CRISPLD2: variants seen among roughly 807,000 people sequenced by gnomAD.
The protein encoded by CRISPLD2 is cysteine-rich secretory protein LCCL domain-containing 2.
CRISPLD2 carries 47 observed loss-of-function variants against 71.1 expected under a neutral mutation model. The ratio of observed to expected loss-of-function variants is 0.66; its 90% CI spans 0.52 to 0.84. CRISPLD2 has a LOEUF of 0.84. CRISPLD2 is among the 40% of genes least tolerant of loss of function. The probability of loss-of-function intolerance (pLI) is 0.00; values close to 1 mark genes in which losing one functional copy is unlikely to be tolerated. For synonymous variants in CRISPLD2, 317 were observed against 250.1 expected, an observed-to-expected ratio of 1.27 and a Z score of -2.52; for missense variants, 830 against 651.1, an observed-to-expected ratio of 1.27 and a Z score of -2.99.
intron 14 of CRISPLD2, among the ~76,000 whole-genome samples, chr16:84,892,865 A>T (rs539028468): frequency 1.5e-4 from 23 of 150,316 alleles, no homozygotes; most frequent in African/African-American, 5.4e-4. Flanking sequence ...AATGCCAGCT[A>T]CTCGGGAGGC....
At chr16:84,852,725 A>G (rs139666367) in intron 5 of CRISPLD2, among the ~76,000 whole-genome samples, 105 of 152,118 alleles carry the variant, frequency 6.9e-4, no homozygotes, top group African/African-American at 2.5e-3. Flanking sequence ...GTGGGTGTGT[A>G]CACAGAGGGC....
At chr16:84,888,634 C>G (rs1415211789) in intron 13 of CRISPLD2, among the ~76,000 whole-genome samples, 1 of 152,242 alleles carries the variant, frequency 6.6e-6, no homozygotes, top group Non-Finnish European at 1.5e-5. Context: ...CACGCTCTGC[C>G]TGACTCACTG....
At chr16:84,877,141 A>G (rs1208050391) in intron 11 of CRISPLD2, among the ~76,000 whole-genome samples, 1 of 152,210 alleles carries the variant, frequency 6.6e-6, no homozygotes, top group Non-Finnish European at 1.5e-5. Context: ...CAAGTCAGGA[A>G]AAGCTTCCAA....
At chr16:84,848,144 C>G (rs1916966399) in intron 3 of CRISPLD2, among the ~76,000 whole-genome samples, 1 of 152,194 alleles carries the variant, frequency 6.6e-6, no homozygotes. Context: ...GTTCCTTTCC[C>G]CACAGCCATG....
intron 10 of CRISPLD2, 31 bp from the exon 11 acceptor site, chr16:84,873,889 G>T: frequency 6.7e-7 from 1 of 1,488,104 alleles, no homozygotes. Context: ...TTTACCTAAT[G>T]CCCGTTTTTT....
rs1330756740 is a variant in CRISPLD2, at chr16:84,906,762, G to T, written c.*120G>T. ...GGAAACTTCCTTTGACTGATGTTCA[G>T]TGTCCATCACTTTGTGGCCTGTGGG... On this transcript the variant is annotated 3_prime_UTR_variant, in exon 15 of 15. Coordinates refer to ENST00000262424, the MANE Select transcript of CRISPLD2 (RefSeq NM_031476.4). 3 of 1,139,048 alleles carry T rather than the reference G, an allele frequency of 2.6e-6. No individual in the cohort carries two copies. Among genetic ancestry groups the T allele is most frequent in the East Asian group, 2.4e-5 (1 of 41,776 alleles). The allele number at this position is 1,139,048 out of a possible 1,614,324, so 70.6% of individuals were successfully genotyped here.
intron 1 of CRISPLD2, among the ~76,000 whole-genome samples, chr16:84,825,501 G>T (rs12934143): frequency 7.9e-5 from 12 of 152,102 alleles, no homozygotes; most frequent in African/African-American, 2.9e-4. Context: ...TACACCTATA[G>T]TCTCAGCACT....
chr16:84,850,994 C>A (rs1264623956), intron 5 of CRISPLD2, among the ~76,000 whole-genome samples: 1 of 152,154 alleles, frequency 6.6e-6, no homozygotes, highest in Non-Finnish European at 1.5e-5. Flanking sequence ...TGCACACTGG[C>A]ATACTTTCTC....
chr16:84,882,760 AC>A (rs1274972434), intron 13 of CRISPLD2, among the ~76,000 whole-genome samples: 1 of 152,224 alleles, frequency 6.6e-6, no homozygotes, highest in East Asian at 1.9e-4. Flanking sequence ...CTTTAAAAAC[AC>A]CGTCTCTAGG....
chr16:84,897,902 C>G (rs1457352265), intron 14 of CRISPLD2, among the ~76,000 whole-genome samples: 4 of 152,232 alleles, frequency 2.6e-5, no homozygotes, highest in African/African-American at 9.6e-5. Flanking sequence ...CAGGCGTGAG[C>G]TACCACACCC....
intron 1 of CRISPLD2, among the ~76,000 whole-genome samples, chr16:84,834,084 C>T (rs1177883764): frequency 6.6e-6 from 1 of 152,166 alleles, no homozygotes; most frequent in African/African-American, 2.4e-5. Flanking sequence ...TCCAGACTTG[C>T]TGCTCGCCCT....
intron 2 of CRISPLD2, chr16:84,842,208 G>A (rs907925670): frequency 6.6e-6 from 1 of 152,148 alleles, no homozygotes; most frequent in Non-Finnish European, 1.5e-5. Flanking sequence ...TGGAAAACCT[G>A]CAAGCCTTCC....
intron 1 of CRISPLD2, among the ~76,000 whole-genome samples, chr16:84,826,760 A>G (rs1916361762): frequency 1.3e-5 from 2 of 152,086 alleles, no homozygotes; most frequent in South Asian, 4.1e-4. Context: ...GTGCGGGTCC[A>G]AGGGGGAGGC....
At chr16:84,853,935 C>T (rs1917160364) in intron 5 of CRISPLD2, among the ~76,000 whole-genome samples, 1 of 152,242 alleles carries the variant, frequency 6.6e-6, no homozygotes, top group South Asian at 2.1e-4. Context: ...AGCCCAGGAG[C>T]CGCAGGAAGG....
chr16:84,849,721 C>CTTTT (rs10627256), intron 4 of CRISPLD2, among the ~76,000 whole-genome samples: 1 of 151,038 alleles, frequency 6.6e-6, no homozygotes, highest in Non-Finnish European at 1.5e-5. Flanking sequence ...ACTACAAACT[C>CTTTT]TTTTTTTTCT....
intron 1 of CRISPLD2, among the ~76,000 whole-genome samples, chr16:84,833,191 G>A (rs942367029): frequency 1.3e-5 from 2 of 152,166 alleles, no homozygotes; most frequent in East Asian, 1.9e-4. Flanking sequence ...TGGGCAGCGC[G>A]GGAGAAGTGT....
chr16:84,867,485 T>G (rs1316779102), intron 7 of CRISPLD2, among the ~76,000 whole-genome samples: 3 of 152,184 alleles, frequency 2.0e-5, no homozygotes, highest in African/African-American at 7.2e-5. Flanking sequence ...CACATCAAGG[T>G]TGCCCGGAGG....
chr16:84,820,624 G>T (rs1157049363), intron 1 of CRISPLD2, among the ~76,000 whole-genome samples: 1 of 152,186 alleles, frequency 6.6e-6, no homozygotes, highest in Non-Finnish European at 1.5e-5. Flanking sequence ...CATTTGCAAG[G>T]TAGCCTTCTT....
intron 6 of CRISPLD2, among the ~76,000 whole-genome samples, chr16:84,857,338 G>A (rs1195776559): frequency 6.6e-6 from 1 of 152,204 alleles, no homozygotes; most frequent in African/African-American, 2.4e-5. Flanking sequence ...CCTCTGCTGA[G>A]GTCACCTTTT....
Sources: gnomAD v4.1 joint callset for allele counts (sites outside exome capture counted in the v4.1 genomes callset) on GRCh38, gnomAD v4.1.1 for gene constraint, MANE v1.5 for transcripts, NCBI Gene and HGNC (gene_info 2026-07-23, HGNC 2026-07-21) for gene names.